The following MAMLD1 variants were observed in gnomAD, a reference collection of about 807,000 sequenced individuals.
The protein encoded by MAMLD1 is mastermind-like domain-containing protein 1.
MAMLD1 carries 14 observed loss-of-function variants against 45.0 expected under a neutral mutation model. The ratio of observed to expected loss-of-function variants is 0.31; its 90% CI spans 0.21 to 0.49. The LOEUF (loss-of-function observed/expected upper bound fraction) is 0.49. MAMLD1 is among the 20% of genes least tolerant of loss of function. The pLI is 0.99. For missense variants in MAMLD1, 543 were observed against 603.6 expected (o/e 0.90, Z 1.05); for synonymous variants, 254 against 247.8 (o/e 1.02, Z -0.24).
intron 1 of MAMLD1, among the ~76,000 whole-genome samples, chrX:150,376,695 G>T (rs1603214821): frequency 9.0e-6 from 1 of 111,272 alleles, no homozygotes; most frequent in African/African-American, 3.3e-5. Context: ...CAACATCCAA[G>T]GGTTCTCTGT....
upstream of MAMLD1, among the ~76,000 whole-genome samples, chrX:150,362,441 T>C (rs1296530759): frequency 1.8e-5 from 2 of 108,262 alleles, no homozygotes; most frequent in Non-Finnish European, 3.9e-5. Context: ...CCTCCTCTCC[T>C]CTCCTCTCCT....
chrX:150,448,459 T>C (rs954532389), intron 2 of MAMLD1, among the ~76,000 whole-genome samples: 10 of 112,242 alleles, frequency 8.9e-5, no homozygotes, highest in African/African-American at 2.6e-4. Flanking sequence ...CTAATGCACA[T>C]TGAAAACTAC....
intron 3 of MAMLD1, among the ~76,000 whole-genome samples, chrX:150,463,847 C>T (rs991611780): frequency 9.0e-6 from 1 of 111,148 alleles, no homozygotes; most frequent in African/African-American, 3.3e-5. Context: ...GCTGTCAGGT[C>T]AGTGCTGTCA....
intron 1 of MAMLD1, among the ~76,000 whole-genome samples, chrX:150,389,627 C>T (rs1401125816): frequency 8.9e-6 from 1 of 112,072 alleles, no homozygotes; most frequent in Non-Finnish European, 1.9e-5. Flanking sequence ...ATGGAGTGTT[C>T]CATAAATGTC....
chrX:150,367,729 G>A (rs1302768509), intron 1 of MAMLD1, among the ~76,000 whole-genome samples: 12 of 107,226 alleles, frequency 1.1e-4, no homozygotes, highest in Middle Eastern at 4.3e-3. Context: ...CCCACGACAG[G>A]CCCCGGTGTG....
At chrX:150,494,234 A>C (rs782666235) in intron 5 of MAMLD1, among the ~76,000 whole-genome samples, 1 of 111,118 alleles carries the variant, frequency 9.0e-6, no homozygotes, top group Non-Finnish European at 1.9e-5. Context: ...TCTCTACTAA[A>C]AATACAAAAA....
intron 1 of MAMLD1, among the ~76,000 whole-genome samples, chrX:150,379,465 G>T (rs1415472436): frequency 9.0e-6 from 1 of 111,705 alleles, no homozygotes; most frequent in Admixed American, 9.5e-5. Flanking sequence ...GCCCCACTGA[G>T]GTCATTTGAA....
chrX:150,509,742 T>C, intron 6 of MAMLD1: 2 of 426,879 alleles, frequency 4.7e-6, no homozygotes, highest in South Asian at 3.4e-5. Flanking sequence ...CATTCTATGC[T>C]GTTGCAGTTG....
rs781883319 is a variant in MAMLD1 at position 150,469,901 on chromosome X, G to T, written c.328G>T (p.Val110Phe). Residue 110 changes from valine (V) to phenylalanine (F), a missense_variant, in exon 4 of 8, where the codon GTC becomes TTC. Coordinates refer to ENST00000370401, the MANE Select transcript of MAMLD1 (RefSeq NM_005491.5). The part of the protein sequence containing the change: ...HPSTACAELQ[V>F]PPLTINPSPA... ...TAGTACTGCTTGTGCAGAACTGCAG[G>T]TCCCTCCATTGACAATAAATCCTAG... 2 of 1,210,066 alleles carry T rather than the reference G, an allele frequency of 1.7e-6. No homozygotes were observed. Among genetic ancestry groups the T allele is most frequent in the East Asian group, 3.0e-5 (1 of 33,760 alleles).
At chrX:150,486,424 C>T (rs373852766) in intron 5 of MAMLD1, among the ~76,000 whole-genome samples, 3 of 111,938 alleles carry the variant, frequency 2.7e-5, no homozygotes, top group East Asian at 2.8e-4. Context: ...CTGTGTCCCC[C>T]GCTAGAACCT....
At chrX:150,420,853 G>T (rs1291136245) in intron 1 of MAMLD1, 1 of 112,217 alleles carries the variant, frequency 8.9e-6, no homozygotes, top group Admixed American at 9.4e-5. Context: ...CTGTCAGACA[G>T]GGACATTTAA....
In MAMLD1 at chrX:150,471,076, G is replaced by A; in HGVS notation, c.1503G>A (p.Gln501=). The A allele has an allele frequency of 8.3e-7, 1 of 1,211,072 alleles. No homozygotes were observed. The highest frequency in any genetic ancestry group is 1.7e-5 in the African/African-American group (1 of 57,545). Residue 501 remains glutamine (Q), a synonymous_variant, in exon 4 of 8, where the codon CAG becomes CAA. Transcript: ENST00000370401. ...AACAGCAGCAGCAGCAGCAGCAGCA[G>A]CAAGCAAATGTGATCTTTAAGCCCA... The part of the protein sequence containing the change: ...SQQQQQQQQQ[Q]QANVIFKPIS...
chrX:150,370,620 C>T (rs1252971083), intron 1 of MAMLD1, among the ~76,000 whole-genome samples: 1 of 111,015 alleles, frequency 9.0e-6, no homozygotes, highest in African/African-American at 3.3e-5. Flanking sequence ...CTGCTGAAGC[C>T]CCAAGAGCAT....
At chrX:150,369,287 C>G (rs1282067478) in intron 1 of MAMLD1, among the ~76,000 whole-genome samples, 2 of 111,666 alleles carry the variant, frequency 1.8e-5, no homozygotes, top group African/African-American at 3.3e-5. Context: ...TTCTCTCCCC[C>G]AATCCCATGA....
intron 2 of MAMLD1, among the ~76,000 whole-genome samples, chrX:150,453,688 C>G (rs782585280): frequency 1.8e-5 from 2 of 111,920 alleles, no homozygotes; most frequent in African/African-American, 6.5e-5. Flanking sequence ...ATCCCTTTCC[C>G]ATAGCCTGCA....
At chrX:150,372,130 G>A (rs782347607) in intron 1 of MAMLD1, among the ~76,000 whole-genome samples, 24 of 112,258 alleles carry the variant, frequency 2.1e-4, no homozygotes, top group African/African-American at 5.2e-4. Context: ...TAACTGTGGC[G>A]TAATATAATC....
chrX:150,405,772 C>G (rs1557402647), intron 1 of MAMLD1, among the ~76,000 whole-genome samples: 20 of 111,511 alleles, frequency 1.8e-4, no homozygotes, highest in African/African-American at 5.9e-4. Flanking sequence ...CAGCGAATTC[C>G]TCACCTTACA....
intron 1 of MAMLD1, among the ~76,000 whole-genome samples, chrX:150,379,694 C>A (rs1475510325): frequency 2.7e-5 from 3 of 112,047 alleles, no homozygotes; most frequent in African/African-American, 9.7e-5. Flanking sequence ...TGTAAGTAAC[C>A]AACTTCATTA....
At chrX:150,382,718 T>A (rs981307269) in intron 1 of MAMLD1, among the ~76,000 whole-genome samples, 20 of 111,070 alleles carry the variant, frequency 1.8e-4, no homozygotes, top group African/African-American at 5.5e-4. Context: ...TTCTTTTTAT[T>A]AAAATTCAAA....
Sources: allele counts gnomAD v4.1 joint callset (sites outside exome capture counted in the v4.1 genomes callset), GRCh38; gene constraint gnomAD v4.1.1; transcripts MANE v1.5; gene names NCBI Gene and HGNC (gene_info 2026-07-23, HGNC 2026-07-21).